CT55: variants seen among roughly 807,000 people sequenced by gnomAD.
The protein encoded by CT55 is cancer/testis antigen 55.
A neutral mutation model predicts 12.6 loss-of-function variants in CT55; 1 was observed. That is an observed-to-expected ratio of 0.08 (90% CI 0.03 to 0.38). The LOEUF is 0.38. CT55 is among the 10% of genes least tolerant of loss of function. The pLI, the probability that CT55 is intolerant of heterozygous loss-of-function variation, is 0.99. For synonymous variants in CT55, 43 were observed against 49.7 expected (o/e 0.87, Z 0.57); for missense variants, 109 against 135.4 (o/e 0.80, Z 0.97).
intron 2 of CT55, among the ~76,000 whole-genome samples, chrX:135,165,750 CATCACCAAAA>C (rs1178910039): frequency 1.8e-5 from 2 of 110,135 alleles, no homozygotes; most frequent in African/African-American, 6.6e-5. Flanking sequence ...GCACAAATGA[CATCACCAAAA>C]CAAAACGTAT....
chrX:135,162,922 C>T (rs1186358700), intron 2 of CT55, among the ~76,000 whole-genome samples: 1 of 111,719 alleles, frequency 9.0e-6, no homozygotes, highest in African/African-American at 3.3e-5. Context: ...TCCAGTCTCA[C>T]AAGGGACCAG....
Position 135,160,536 on chromosome X carries a change from T to C in CT55, c.299A>G (p.His100Arg), listed in dbSNP as rs782048362. The change falls in exon 3 of 6, where the codon CAT becomes CGT. Residue 100 changes from histidine (H) to arginine (R), a missense_variant. Coordinates refer to ENST00000276241, the MANE Select transcript of CT55 (RefSeq NM_001031705.3). ...GTCTGAGGGTCCAGCACCATAAAGA[T>C]GGCGAGGCACAACATCCACCTGTAA... Reference protein sequence around the residue: ...RAIKVDVVPRHLYGAGPSDSG... With the variant: ...RAIKVDVVPRRLYGAGPSDSG... The C allele has an allele frequency of 1.5e-5, 18 of 1,191,103 alleles. No individual in the cohort carries two copies. The highest frequency in any genetic ancestry group is 1.9e-5 in the Non-Finnish European group (17 of 890,088).
At chrX:135,159,430 G>A (rs1170234120) in intron 3 of CT55, among the ~76,000 whole-genome samples, 5 of 111,156 alleles carry the variant, frequency 4.5e-5, no homozygotes, top group Admixed American at 9.6e-5. Flanking sequence ...TGCCTCAGTC[G>A]TCTACATCAC....
intron 1 of CT55, among the ~76,000 whole-genome samples, chrX:135,170,109 TG>T (rs1556406587): frequency 9.0e-6 from 1 of 111,397 alleles, no homozygotes; most frequent in African/African-American, 3.3e-5. Flanking sequence ...TGGGTTCAGG[TG>T]GTTCTCATGT....
intron 2 of CT55, among the ~76,000 whole-genome samples, chrX:135,161,428 G>C (rs2083562104): frequency 1.8e-5 from 2 of 112,010 alleles, no homozygotes; most frequent in African/African-American, 6.5e-5. Context: ...GTTTTTGTCT[G>C]TGCACAAATA....
rs1400938837 is a variant in CT55 at position 135,165,240 on chromosome X, C to A, written c.279+4354G>T. Among the ~76,000 whole-genome samples the A allele has an allele frequency of 4.5e-5, 5 of 112,021 alleles. No individual in the cohort carries two copies. The Admixed American group carries it at 4.7e-4, about 11-fold the overall frequency. ...AAATAACATCAAATCAGTTCTCTAACCACAACGGTAAAGTATTAGAAATCA... is the reference window on the plus strand; with the variant it reads ...AAATAACATCAAATCAGTTCTCTAAACACAACGGTAAAGTATTAGAAATCA... On this transcript the variant is annotated intron_variant, in intron 2 of 5. Transcript: ENST00000276241.
chrX:135,159,197 G>C (rs1417189928), intron 3 of CT55, among the ~76,000 whole-genome samples: 1 of 95,707 alleles, frequency 1.0e-5, no homozygotes, highest in Non-Finnish European at 2.1e-5. Flanking sequence ...AAGACACTGT[G>C]TTAGACCTGT....
intron 1 of CT55, 83 bp downstream of exon 1, chrX:135,170,995 A>G: frequency 8.6e-7 from 1 of 1,166,208 alleles, no homozygotes; most frequent in Non-Finnish European, 1.1e-6. Context: ...CACCCGAGTT[A>G]CAACAGCCTC....
intron 3 of CT55, among the ~76,000 whole-genome samples, chrX:135,159,625 C>T (rs2083553673): frequency 1.8e-5 from 2 of 111,482 alleles, no homozygotes; most frequent in Admixed American, 1.9e-4. Flanking sequence ...ACATCTCCAT[C>T]ATCTCTCACC....
At chrX:135,162,754 A>G (rs1455447968) in intron 2 of CT55, among the ~76,000 whole-genome samples, 9 of 111,585 alleles carry the variant, frequency 8.1e-5, no homozygotes, top group African/African-American at 2.6e-4. Flanking sequence ...GTACTTGTGG[A>G]CAGAGTCTCT....
chrX:135,160,683 C>G (rs2083558901), intron 2 of CT55, 128 bp from the exon 3 acceptor site: 5 of 747,258 alleles, frequency 6.7e-6, no homozygotes, highest in Non-Finnish European at 9.2e-6. Flanking sequence ...ATATAGTTCA[C>G]TTGGTAAGTG....
chrX:135,164,502 A>C (rs1162402539), intron 2 of CT55, among the ~76,000 whole-genome samples: 2 of 112,067 alleles, frequency 1.8e-5, no homozygotes, highest in Non-Finnish European at 3.8e-5. Context: ...AAAACAGTAA[A>C]AGAGAAAGAA....
chrX:135,164,204 C>T (rs2083573781), intron 2 of CT55, among the ~76,000 whole-genome samples: 1 of 111,961 alleles, frequency 8.9e-6, no homozygotes, highest in African/African-American at 3.2e-5. Flanking sequence ...GGTTAAAGAA[C>T]TGAACTAGTA....
chrX:135,171,420 C>T (rs1209293819), upstream of CT55: 7 of 459,242 alleles, frequency 1.5e-5, no homozygotes, highest in Admixed American at 2.5e-4. Context: ...CGTCAGGGCC[C>T]GCCTCTACCA....
intron 2 of CT55, among the ~76,000 whole-genome samples, chrX:135,164,305 G>A (rs2083574205): frequency 8.9e-6 from 1 of 112,179 alleles, no homozygotes; most frequent in African/African-American, 3.2e-5. Context: ...CCAGGGTGGA[G>A]TTAAATAGTA....
Position 135,158,308 on chromosome X carries a change from A to C in CT55, c.428T>G (p.Phe143Cys). 1 of 1,156,252 alleles carries C rather than the reference A, an allele frequency of 8.6e-7. No individual in the cohort carries two copies. Among genetic ancestry groups the C allele is most frequent in the African/African-American group, 1.8e-5 (1 of 56,848 alleles). Reference protein sequence around the residue: ...YFSIAIVSEDFVPYKGDLLEV... With the variant: ...YFSIAIVSEDCVPYKGDLLEV... ...TAACAAGTCACCCTTATAAGGCACA[A>C]AATCTAAAACAGCCATGGAGAAATG... The change falls in exon 4 of 6, where the codon TTT becomes TGT. Residue 143 changes from phenylalanine to cysteine, a missense_variant. Transcript: ENST00000276241.
At chrX:135,166,596 G>A in intron 2 of CT55, among the ~76,000 whole-genome samples, 1 of 111,884 alleles carries the variant, frequency 8.9e-6, no homozygotes, top group East Asian at 2.8e-4. Flanking sequence ...AGTTCTGGAA[G>A]TGCTAACCAG....
intron 2 of CT55, among the ~76,000 whole-genome samples, chrX:135,163,467 G>T (rs782757854): frequency 1.8e-4 from 20 of 111,483 alleles, no homozygotes; most frequent in African/African-American, 6.2e-4. Flanking sequence ...GCAAAAGAAA[G>T]AATCTGTAAA....
At chrX:135,169,299 T>C (rs2083600299) in intron 2 of CT55, among the ~76,000 whole-genome samples, 1 of 112,603 alleles carries the variant, frequency 8.9e-6, no homozygotes, top group African/African-American at 3.2e-5. Context: ...AGAAAATGTT[T>C]TTTTACCTGA....
Sources: allele counts gnomAD v4.1 joint callset (sites outside exome capture counted in the v4.1 genomes callset), GRCh38; gene constraint gnomAD v4.1.1; transcripts MANE v1.5; gene names NCBI Gene and HGNC (gene_info 2026-07-23, HGNC 2026-07-21).